LRP1B: variants seen among roughly 807,000 people sequenced by gnomAD.
LRP1B encodes LDL receptor related protein 1B, also known as low-density lipoprotein receptor-related protein 1B.
In LRP1B, 217 loss-of-function variants were observed where a neutral mutation model predicts 556.6. The ratio of observed to expected loss-of-function variants is 0.39; its 90% CI spans 0.35 to 0.44. LRP1B has a LOEUF of 0.44. Among genes scored for constraint, LRP1B ranks in the 20% least tolerant of loss-of-function variants. The pLI, the probability that LRP1B is intolerant of heterozygous loss-of-function variation, is 1.00. For synonymous variants in LRP1B, 2,047 were observed against 1,865.8 expected (o/e 1.10, Z -2.50); for missense variants, 5,053 against 5,620.8 (o/e 0.90, Z 3.23).
intron 3 of LRP1B, among the ~76,000 whole-genome samples, chr2:141,314,552 G>A (rs554796904): frequency 6.6e-5 from 10 of 151,906 alleles, no homozygotes; most frequent in Admixed American, 2.0e-4. Flanking sequence ...AGCACTCTGG[G>A]AGGTGGAGGT....
At chr2:141,295,782 CACACACACAT>C (rs1459197951) in intron 3 of LRP1B, among the ~76,000 whole-genome samples, 108 of 150,916 alleles carry the variant, frequency 7.2e-4, no homozygotes, top group African/African-American at 2.2e-3. Context: ...CACACACACA[CACACACACAT>C]AACAGTGGGG....
intron 3 of LRP1B, among the ~76,000 whole-genome samples, chr2:141,276,138 A>T (rs1685274943): frequency 6.6e-6 from 1 of 152,140 alleles, no homozygotes; most frequent in Admixed American, 6.5e-5. Flanking sequence ...ATTGCTTTCC[A>T]AAAGTATTTT....
chr2:142,061,908 C>G (rs958457250), intron 1 of LRP1B, among the ~76,000 whole-genome samples: 1 of 151,804 alleles, frequency 6.6e-6, no homozygotes, highest in Non-Finnish European at 1.5e-5. Flanking sequence ...AAATTCCTCC[C>G]TATCTTGATC....
At chr2:142,100,002 C>T (rs1300831205) in intron 1 of LRP1B, among the ~76,000 whole-genome samples, 2 of 151,894 alleles carry the variant, frequency 1.3e-5, no homozygotes, top group Non-Finnish European at 2.9e-5. Context: ...GAATTTTCAT[C>T]TTTATATCAA....
chr2:141,626,002 GAGA>G lies in LRP1B; in HGVS notation c.206-145472_206-145470del, dbSNP rs1456173664. On this transcript the variant is annotated intron_variant, in intron 2 of 90. Coordinates refer to ENST00000389484, the MANE Select transcript of LRP1B (RefSeq NM_018557.3). ...AATTAATTATTCTCCCTAATTTTAT[GAGA>G]AGATTTCATACAGAAAATCTGTACC... 6.6e-5 allele frequency among the ~76,000 whole-genome samples: 10 copies of G among 152,122 alleles called. No individual in the cohort carries two copies. In the South Asian group the frequency reaches 1.5e-3, roughly 22 times the overall value.
intron 1 of LRP1B, among the ~76,000 whole-genome samples, chr2:142,004,674 C>T (rs1269876199): frequency 3.3e-5 from 5 of 151,880 alleles, no homozygotes; most frequent in Middle Eastern, 3.2e-3. Flanking sequence ...GCCAAAACCC[C>T]GTCTTTACTA....
chr2:140,503,318 C>T (rs1330324112), intron 53 of LRP1B, among the ~76,000 whole-genome samples: 2 of 152,052 alleles, frequency 1.3e-5, no homozygotes, highest in African/African-American at 4.8e-5. Context: ...TGGAAACTAA[C>T]ATTCTTATTA....
rs1224999469 is a variant in LRP1B, at chr2:140,442,639, G to T, written c.10295-16C>A. On this transcript the variant is annotated splice_polypyrimidine_tract_variant and intron_variant, in intron 65 of 90. Transcript: ENST00000389484. ...CTGTTTTCAGCTTAGAAAGAAAACT[G>T]CCATTAAAATGTAGCTTTGGAGAAC... 6.2e-7 allele frequency: 1 copy of T among 1,611,114 alleles called. No individual in the cohort carries two copies.
intron 2 of LRP1B, among the ~76,000 whole-genome samples, chr2:141,595,701 T>C (rs182898562): frequency 6.6e-6 from 1 of 152,108 alleles, no homozygotes; most frequent in African/African-American, 2.4e-5. Context: ...AAGAGCCATA[T>C]GGTTAAACAG....
chr2:141,613,374 T>G lies in LRP1B; in HGVS notation c.206-132841A>C, dbSNP rs1055063339. 1.1e-4 allele frequency among the ~76,000 whole-genome samples: 17 copies of G among 152,248 alleles called. 1 individual carries two copies. Among genetic ancestry groups the G allele is most frequent in the Admixed American group, 9.2e-4 (14 of 15,288 alleles). On this transcript the variant is annotated intron_variant, in intron 2 of 90. Transcript: ENST00000389484. ...GTTGCATGACCGTTTATTTAAAAAA[T>G]CCGTATAAGAAACCTGCACTTCCTC... is the stretch of plus-strand genomic sequence containing the variant.
intron 6 of LRP1B, 55 bp downstream of exon 6, chr2:141,229,128 G>T: frequency 1.9e-6 from 3 of 1,566,450 alleles, no homozygotes; most frequent in South Asian, 1.1e-5. Flanking sequence ...CAGCCTACGG[G>T]TCTGTAAATG....
At chr2:141,297,564 A>G (rs992800) in intron 3 of LRP1B, among the ~76,000 whole-genome samples, 2,658 of 152,282 alleles carry the variant, frequency 0.017, 70 homozygotes, top group African/African-American at 0.06. Flanking sequence ...AGCCAGCTGC[A>G]GGCTACTAGA....
At chr2:141,147,134 A>C (rs981370813) in intron 7 of LRP1B, among the ~76,000 whole-genome samples, 1 of 152,136 alleles carries the variant, frequency 6.6e-6, no homozygotes, top group African/African-American at 2.4e-5. Context: ...TTCCCCCAGG[A>C]TTATAGCACT....
chr2:140,355,954 T>C (rs1250756729), intron 75 of LRP1B, among the ~76,000 whole-genome samples: 1 of 151,950 alleles, frequency 6.6e-6, no homozygotes, highest in African/African-American at 2.4e-5. Context: ...AAATGTGATT[T>C]ACCTATTCCA....
intron 3 of LRP1B, among the ~76,000 whole-genome samples, chr2:141,362,537 G>A (rs1688863410): frequency 6.6e-6 from 1 of 152,202 alleles, no homozygotes; most frequent in Non-Finnish European, 1.5e-5. Context: ...ATGGTACAAT[G>A]CTTATTGCAT....
In LRP1B at chr2:142,070,069, T is replaced by G. The variant is rs913272048; in HGVS notation, c.82+60579A>C. ...GTACGAGGCTCATATCACAATGGAA[T>G]TTATTTACTTTAAATGTAACACATT... On this transcript the variant is annotated intron_variant, in intron 1 of 90. Coordinates refer to ENST00000389484, the MANE Select transcript of LRP1B (RefSeq NM_018557.3). Among the ~76,000 whole-genome samples the G allele has an allele frequency of 2.0e-5, 3 of 151,776 alleles. No homozygotes were observed. In the East Asian group the frequency reaches 5.8e-4, roughly 29 times the overall value.
chr2:141,581,920 G>A (rs1686968750), intron 2 of LRP1B, among the ~76,000 whole-genome samples: 1 of 152,100 alleles, frequency 6.6e-6, no homozygotes, highest in Admixed American at 6.5e-5. Context: ...TTATTTGCTA[G>A]CTAAAATTTT....
At chr2:140,629,182 T>C (rs1683787575) in intron 41 of LRP1B, among the ~76,000 whole-genome samples, 2 of 151,920 alleles carry the variant, frequency 1.3e-5, no homozygotes. Context: ...GCCTCCTGGG[T>C]AGGTGGGACA....
Position 140,452,863 on chromosome 2 carries a change from A to G in LRP1B, c.9964-2202T>C, listed in dbSNP as rs185947262. On this transcript the variant is annotated intron_variant, in intron 62 of 90. Transcript: ENST00000389484. ...TTTTTTCTCCCAGTGGCAATACAAG[A>G]AGGAATAGAGCTCTATGAATCCAAT... Among the ~76,000 whole-genome samples, 51 of 152,030 alleles carry G rather than the reference A, an allele frequency of 3.4e-4. 1 individual carries two copies. The highest frequency in any genetic ancestry group is 2.9e-3 in the Admixed American group (44 of 15,258).
Sources: allele counts gnomAD v4.1 joint callset (sites outside exome capture counted in the v4.1 genomes callset), GRCh38; gene constraint gnomAD v4.1.1; transcripts MANE v1.5; gene names NCBI Gene and HGNC (gene_info 2026-07-23, HGNC 2026-07-21).